Variants in GFRA2 observed in about 807,000 individuals in gnomAD.
GFRA2 encodes the protein GDNF family receptor alpha-2.
A neutral mutation model predicts 48.3 loss-of-function variants in GFRA2; 17 were observed. That is an observed-to-expected ratio of 0.35 (90% confidence interval 0.24 to 0.53). The LOEUF is 0.53. GFRA2 is among the 20% of genes least tolerant of loss of function. GFRA2 has a pLI of 0.93. For missense variants in GFRA2, 660 were observed against 637.3 expected, an observed-to-expected ratio of 1.04 and a Z score of -0.38; for synonymous variants, 305 against 257.2, an observed-to-expected ratio of 1.19 and a Z score of -1.78.
At chr8:21,803,381 C>T (rs999889661) in intron 2 of GFRA2, among the ~76,000 whole-genome samples, 3 of 152,330 alleles carry the variant, frequency 2.0e-5, no homozygotes, top group Admixed American at 6.5e-5. Context: ...TGGTGAGCAT[C>T]AAGAGCTCTG....
intron 4 of GFRA2, among the ~76,000 whole-genome samples, chr8:21,736,339 C>A (rs1171021601): frequency 6.6e-6 from 1 of 152,164 alleles, no homozygotes; most frequent in Non-Finnish European, 1.5e-5. Context: ...CAAAACAACA[C>A]ATACTGTGTG....
intron 4 of GFRA2, among the ~76,000 whole-genome samples, chr8:21,723,435 A>G (rs1803699655): frequency 6.6e-6 from 1 of 152,218 alleles, no homozygotes; most frequent in Non-Finnish European, 1.5e-5. Flanking sequence ...AAGGAAGGCC[A>G]GCAAGGCCAA....
At chr8:21,791,615 A>G (rs1807575912), upstream of GFRA2, among the ~76,000 whole-genome samples, 1 of 152,232 alleles carries the variant, frequency 6.6e-6, no homozygotes, top group Non-Finnish European at 1.5e-5. Context: ...TATAGATAAG[A>G]GGACTTCTGA....
rs554804638 is a variant in GFRA2, at chr8:21,701,979, G to A, written c.1218+826C>T. Among the ~76,000 whole-genome samples the A allele has an allele frequency of 1.5e-4, 23 of 152,276 alleles. No homozygotes were observed. The Middle Eastern group carries it at 0.02, about 135-fold the overall frequency. On this transcript the variant is annotated intron_variant, in intron 7 of 8. Coordinates refer to ENST00000524240, the MANE Select transcript of GFRA2 (RefSeq NM_001495.5). ...AAGTCAGCCTCTCCCCAGATGGGCC[G>A]GTCCAAGAGGCTCAGGATGAAGGGT...
At chr8:21,804,766 G>C (rs1483233442) in intron 2 of GFRA2, among the ~76,000 whole-genome samples, 1 of 152,160 alleles carries the variant, frequency 6.6e-6, no homozygotes. Context: ...CAGAGTGTCT[G>C]GCCTGCTGGC....
chr8:21,764,002 CACACACA>C (rs1303908438), intron 3 of GFRA2, among the ~76,000 whole-genome samples: 6 of 114,236 alleles, frequency 5.3e-5, no homozygotes, highest in African/African-American at 1.8e-4. Context: ...CACACACACA[CACACACA>C]CCAGCTGACT....
At chr8:21,754,875 G>A (rs534948160) in intron 3 of GFRA2, among the ~76,000 whole-genome samples, 2 of 152,196 alleles carry the variant, frequency 1.3e-5, no homozygotes, top group East Asian at 3.9e-4. Flanking sequence ...ATAAAAGAGG[G>A]GAGGGTACAT....
At chr8:21,748,192 C>T (rs112007868) in intron 4 of GFRA2, among the ~76,000 whole-genome samples, 5 of 152,112 alleles carry the variant, frequency 3.3e-5, no homozygotes, top group African/African-American at 9.7e-5. Context: ...TTACTGAGGT[C>T]GAGACCCACA....
intron 2 of GFRA2, among the ~76,000 whole-genome samples, chr8:21,776,150 A>T (rs1253220319): frequency 2.6e-5 from 4 of 152,044 alleles, no homozygotes; most frequent in Non-Finnish European, 5.9e-5. Context: ...CAGCCTCTTC[A>T]GGGTTACCTG....
At chr8:21,733,037 G>A (rs963613077) in intron 4 of GFRA2, among the ~76,000 whole-genome samples, 16 of 152,288 alleles carry the variant, frequency 1.1e-4, no homozygotes, top group African/African-American at 3.6e-4. Flanking sequence ...GGAGAGCCTT[G>A]GGCTGTGAGT....
intron 4 of GFRA2, among the ~76,000 whole-genome samples, chr8:21,739,694 C>T (rs977813218): frequency 4.6e-5 from 7 of 152,168 alleles, no homozygotes; most frequent in African/African-American, 1.2e-4. Flanking sequence ...CAGAGCATAT[C>T]CCAAGGCTGC....
In GFRA2 at chr8:21,750,640, T is replaced by G. The variant is rs769783859; in HGVS notation, c.742A>C (p.Lys248Gln). Residue 248 changes from lysine (K) to glutamine (Q), a missense_variant, in exon 4 of 9, where the codon AAG becomes CAG. Transcript: ENST00000524240. The surrounding 1 kb of genome is among the most constrained non-coding windows in gnomAD (Gnocchi z 5.7). ...CCACGCAGGTCCAGGCAGTTGGGCT[T>G]CTCCTTGTCCTCATAGGAGCAGCTG... ...LPSCSYEDKE[K>Q]PNCLDLRGVC... is the part of the protein sequence containing the mutation. 26 of 1,613,440 alleles carry G rather than the reference T, an allele frequency of 1.6e-5. No individual in the cohort carries two copies. Among genetic ancestry groups the G allele is most frequent in the Non-Finnish European group, 1.9e-5 (23 of 1,179,704 alleles).
At chr8:21,726,258 C>G (rs1277736158) in intron 4 of GFRA2, among the ~76,000 whole-genome samples, 1 of 152,226 alleles carries the variant, frequency 6.6e-6, no homozygotes, top group Non-Finnish European at 1.5e-5. Context: ...ATCCAAGCCC[C>G]TGCTGCCCAG....
intron 2 of GFRA2, among the ~76,000 whole-genome samples, chr8:21,799,138 G>A (rs1037959972): frequency 9.9e-5 from 15 of 152,030 alleles, no homozygotes; most frequent in Admixed American, 7.2e-4. Context: ...GAGTCACTAG[G>A]GTCTAACTGA....
At chr8:21,713,025 G>A (rs922819139) in intron 4 of GFRA2, among the ~76,000 whole-genome samples, 1 of 150,126 alleles carries the variant, frequency 6.7e-6, no homozygotes, top group African/African-American at 2.5e-5. Flanking sequence ...CGAGGGAGAG[G>A]GAGAGGGAGA....
chr8:21,800,730 G>A (rs1482533807), intron 2 of GFRA2, among the ~76,000 whole-genome samples: 1 of 152,112 alleles, frequency 6.6e-6, no homozygotes, highest in Non-Finnish European at 1.5e-5. Flanking sequence ...TTGGAGGCCA[G>A]CCCAGGCAAC....
chr8:21,804,578 C>G (rs977394355), intron 2 of GFRA2, among the ~76,000 whole-genome samples: 3 of 152,088 alleles, frequency 2.0e-5, no homozygotes, highest in Non-Finnish European at 4.4e-5. Flanking sequence ...TGAAGCAGCC[C>G]CTAACAACAA....
At chr8:21,706,309 G>A (rs192964973) in intron 4 of GFRA2, 106 of 594,272 alleles carry the variant, frequency 1.8e-4, no homozygotes, top group African/African-American at 1.7e-3. Context: ...GACCCCTCAA[G>A]GCACAGAAAC....
chr8:21,705,822 C>T (rs770101508), intron 5 of GFRA2, 110 bp downstream of exon 5: 139 of 681,946 alleles, frequency 2.0e-4, no homozygotes, highest in Middle Eastern at 1.2e-3. Flanking sequence ...CAGAGAAGGC[C>T]GGGCTCAGGC....
Sources: allele counts gnomAD v4.1 joint callset (sites outside exome capture counted in the v4.1 genomes callset), GRCh38; gene constraint gnomAD v4.1.1; non-coding constraint Gnocchi (gnomAD v3.1); transcripts MANE v1.5; gene names NCBI Gene and HGNC (gene_info 2026-07-23, HGNC 2026-07-21).